LUZP2: variants seen among roughly 807,000 people sequenced by gnomAD.
LUZP2 encodes leucine zipper protein 2.
A neutral mutation model predicts 51.6 loss-of-function variants in LUZP2; 52 were observed. The ratio of observed to expected loss-of-function variants is 1.01; its 90% CI spans 0.81 to 1.27. LUZP2 has a LOEUF of 1.27. LUZP2 is among the 50% of genes most tolerant of loss of function. The pLI, the probability that LUZP2 is intolerant of heterozygous loss-of-function variation, is 0.00. For synonymous variants in LUZP2, 154 were observed against 137.3 expected (o/e 1.12, Z -0.85); for missense variants, 436 against 395.4 (o/e 1.10, Z -0.87).
Position 24,723,323 on chromosome 11 carries a change from G to C in LUZP2, c.63-5846G>C, listed in dbSNP as rs149637071. ...AATTTTTTGGCTGTTATTTGCTAAA[G>C]TAGAACATATGCGTGCTTTATGATG... On this transcript the variant is annotated intron_variant, in intron 1 of 11. Coordinates refer to ENST00000336930, the MANE Select transcript of LUZP2 (RefSeq NM_001009909.4). Among the ~76,000 whole-genome samples the C allele has an allele frequency of 2.9e-3, 446 of 152,284 alleles. 1 individual carries two copies. Among genetic ancestry groups the C allele is most frequent in the African/African-American group, 0.01 (424 of 41,572 alleles).
intron 1 of LUZP2, among the ~76,000 whole-genome samples, chr11:24,601,928 A>G (rs12275769): frequency 8.2e-5 from 9 of 110,330 alleles, no homozygotes; most frequent in South Asian, 2.8e-4. Context: ...ATGTATATAT[A>G]TGTATATATG....
At chr11:24,543,215 A>G (rs1564980521) in intron 1 of LUZP2, among the ~76,000 whole-genome samples, 3 of 152,064 alleles carry the variant, frequency 2.0e-5, no homozygotes, top group African/African-American at 7.2e-5. Context: ...TGTTTGGTTT[A>G]TTTAAAATAT....
intron 9 of LUZP2, among the ~76,000 whole-genome samples, chr11:24,999,286 A>G (rs1241359442): frequency 1.3e-5 from 2 of 151,990 alleles, no homozygotes; most frequent in African/African-American, 4.8e-5. Context: ...ATAGTAAACC[A>G]TGGGGAGATA....
chr11:24,703,808 C>A (rs1038365227), intron 1 of LUZP2, among the ~76,000 whole-genome samples: 3 of 150,640 alleles, frequency 2.0e-5, no homozygotes, highest in East Asian at 1.9e-4. Context: ...CAGCCTGGGC[C>A]AGAGTGAGAC....
At chr11:24,535,134 G>GC (rs1201120718) in intron 1 of LUZP2, among the ~76,000 whole-genome samples, 54 of 98,388 alleles carry the variant, frequency 5.5e-4, no homozygotes, top group East Asian at 1.1e-3. Context: ...ATACTTCATT[G>GC]CTTAAAAAAA....
At chr11:24,645,438 T>C (rs768734703) in intron 1 of LUZP2, among the ~76,000 whole-genome samples, 2 of 152,288 alleles carry the variant, frequency 1.3e-5, no homozygotes, top group Non-Finnish European at 2.9e-5. Flanking sequence ...CATGTTCCTT[T>C]AAAATATAGA....
At chr11:24,992,862 T>G (rs1856389892) in intron 9 of LUZP2, among the ~76,000 whole-genome samples, 1 of 152,154 alleles carries the variant, frequency 6.6e-6, no homozygotes, top group Non-Finnish European at 1.5e-5. Flanking sequence ...TTAAGCATAT[T>G]TAATTTAAGT....
chr11:24,604,722 C>T (rs59762376), intron 1 of LUZP2, among the ~76,000 whole-genome samples: 3,822 of 151,624 alleles, frequency 0.025, 167 homozygotes, highest in African/African-American at 0.089. Flanking sequence ...TGAAATGAAG[C>T]GAACAAGGAG....
chr11:24,516,046 G>A (rs558846618), intron 1 of LUZP2, among the ~76,000 whole-genome samples: 9 of 152,126 alleles, frequency 5.9e-5, no homozygotes, highest in South Asian at 4.1e-4. Flanking sequence ...TTGAATCCCC[G>A]TCTTCCACAT....
At chr11:24,749,734 T>G (rs1200559243) in intron 4 of LUZP2, among the ~76,000 whole-genome samples, 1 of 152,180 alleles carries the variant, frequency 6.6e-6, no homozygotes, top group Non-Finnish European at 1.5e-5. Context: ...CTCCTCCCAT[T>G]TCTCCTGCCC....
At chr11:24,625,693 A>G (rs1854651107) in intron 1 of LUZP2, among the ~76,000 whole-genome samples, 1 of 151,892 alleles carries the variant, frequency 6.6e-6, no homozygotes, top group Non-Finnish European at 1.5e-5. Context: ...TTGAAAAATG[A>G]CTGTATTATC....
chr11:24,540,625 T>C (rs1393390257), intron 1 of LUZP2, among the ~76,000 whole-genome samples: 1 of 152,134 alleles, frequency 6.6e-6, no homozygotes, highest in Admixed American at 6.6e-5. Flanking sequence ...TATTTTATTA[T>C]GTTAGCTTGA....
At chr11:24,630,939 G>A (rs1854868545) in intron 1 of LUZP2, among the ~76,000 whole-genome samples, 2 of 151,460 alleles carry the variant, frequency 1.3e-5, no homozygotes, top group South Asian at 2.1e-4. Context: ...ATATGTCTAG[G>A]TATCTTTTTG....
intron 1 of LUZP2, among the ~76,000 whole-genome samples, chr11:24,666,568 G>A (rs1421495426): frequency 6.6e-6 from 1 of 152,038 alleles, no homozygotes; most frequent in Non-Finnish European, 1.5e-5. Flanking sequence ...GATGAATGCA[G>A]GAGCTATTCT....
chr11:24,591,409 G>A (rs1018265130), intron 1 of LUZP2, among the ~76,000 whole-genome samples: 1 of 152,178 alleles, frequency 6.6e-6, no homozygotes, highest in Non-Finnish European at 1.5e-5. Flanking sequence ...CATAGTTTTA[G>A]ATAACAGTGG....
At chr11:25,015,179 AC>A (rs1409318289) in intron 9 of LUZP2, among the ~76,000 whole-genome samples, 1 of 152,190 alleles carries the variant, frequency 6.6e-6, no homozygotes, top group Non-Finnish European at 1.5e-5. Flanking sequence ...ATAAATTCTC[AC>A]AAAACACTAA....
chr11:24,981,757 G>A (rs1026928326), intron 8 of LUZP2, among the ~76,000 whole-genome samples: 3 of 151,840 alleles, frequency 2.0e-5, no homozygotes, highest in African/African-American at 7.2e-5. Flanking sequence ...CTATGGCAAC[G>A]ATTCTAAATA....
chr11:24,507,395 T>C (rs117824213), intron 1 of LUZP2, among the ~76,000 whole-genome samples: 2,232 of 152,204 alleles, frequency 0.015, 28 homozygotes, highest in Middle Eastern at 0.02. Context: ...TACACATGTG[T>C]ATAAATACAT....
chr11:24,558,372 C>CT (rs1434674590), intron 1 of LUZP2, among the ~76,000 whole-genome samples: 1 of 123,454 alleles, frequency 8.1e-6, no homozygotes, highest in Admixed American at 8.3e-5. Flanking sequence ...CCTAATAAAT[C>CT]TTTTTTGTTT....
Sources: gnomAD v4.1 joint callset for allele counts (sites outside exome capture counted in the v4.1 genomes callset) on GRCh38, gnomAD v4.1.1 for gene constraint, MANE v1.5 for transcripts, NCBI Gene and HGNC (gene_info 2026-07-23, HGNC 2026-07-21) for gene names.